Variants in PRR16 observed in about 807,000 individuals in gnomAD.
PRR16 encodes protein Largen.
PRR16 carries 6 observed loss-of-function variants against 18.2 expected under a neutral mutation model. The observed-to-expected ratio is 0.33, with a 90% confidence interval of 0.18 to 0.65. PRR16 has a LOEUF of 0.65. Among genes scored for constraint, PRR16 ranks in the 30% least tolerant of loss-of-function variants. The pLI is 0.74. For missense variants in PRR16, 412 were observed against 376.6 expected, an observed-to-expected ratio of 1.09 and a Z score of -0.78; for synonymous variants, 151 against 147.8, an observed-to-expected ratio of 1.02 and a Z score of -0.16.
intron 1 of PRR16, among the ~76,000 whole-genome samples, chr5:120,547,122 G>A (rs536050875): frequency 3.9e-5 from 6 of 152,070 alleles, no homozygotes; most frequent in African/African-American, 1.4e-4. Flanking sequence ...TTAATGAGCA[G>A]TTAGGGCAAC....
the PRR16 span, among the ~76,000 whole-genome samples, chr5:120,736,211 C>T: frequency 2.6e-5 from 4 of 152,150 alleles, no homozygotes; most frequent in Non-Finnish European, 5.9e-5. Flanking sequence ...AATGTTTTCT[C>T]GACTAAAATT....
intron 1 of PRR16, among the ~76,000 whole-genome samples, chr5:120,488,130 C>G (rs1162514306): frequency 1.3e-5 from 2 of 152,188 alleles, no homozygotes; most frequent in Admixed American, 6.5e-5. Flanking sequence ...ATGTCTCTGC[C>G]CGGCTTTGGT....
the PRR16 span, among the ~76,000 whole-genome samples, chr5:120,770,533 A>T: frequency 6.6e-6 from 1 of 152,070 alleles, no homozygotes; most frequent in East Asian, 1.9e-4. Flanking sequence ...TATTACTAAG[A>T]TACGAAAAGG....
intron 1 of PRR16, among the ~76,000 whole-genome samples, chr5:120,527,512 C>T (rs980422078): frequency 6.6e-6 from 1 of 152,180 alleles, no homozygotes; most frequent in African/African-American, 2.4e-5. Flanking sequence ...ATCAAATTAA[C>T]ACGCCAGCAA....
At chr5:120,609,651 A>G (rs767522912) in intron 1 of PRR16, among the ~76,000 whole-genome samples, 13 of 152,184 alleles carry the variant, frequency 8.5e-5, no homozygotes, top group Non-Finnish European at 1.8e-4. Flanking sequence ...CATTTTTAAA[A>G]CATGTTATTT....
At chr5:120,674,116 C>T (rs1430089696) in intron 1 of PRR16, among the ~76,000 whole-genome samples, 1 of 152,082 alleles carries the variant, frequency 6.6e-6, no homozygotes, top group Non-Finnish European at 1.5e-5. Context: ...CGCTACAGGG[C>T]CTCCTGAAAC....
At position 120,625,820 on chromosome 5, in the gene PRR16, G is replaced by A. The variant is rs539268967; in HGVS notation, c.160-60134G>A. 2.0e-4 allele frequency among the ~76,000 whole-genome samples: 30 copies of A among 152,144 alleles called. No individual in the cohort carries two copies. The South Asian group carries it at 3.7e-3, about 19-fold the overall frequency. ...ATGTATTTACGTGATGATCTGGTGCGTAGTTGTTATAATAGTTAACATCGA... is the reference window on the plus strand; with the variant it reads ...ATGTATTTACGTGATGATCTGGTGCATAGTTGTTATAATAGTTAACATCGA... On this transcript the variant is annotated intron_variant, in intron 1 of 1. Transcript: ENST00000407149.
chr5:120,730,463 G>C, the PRR16 span, among the ~76,000 whole-genome samples: 1 of 152,152 alleles, frequency 6.6e-6, no homozygotes, highest in South Asian at 2.1e-4. Context: ...TGAATACATA[G>C]ATTTGGGTGT....
At chr5:120,577,954 G>T (rs1703203607) in intron 1 of PRR16, among the ~76,000 whole-genome samples, 1 of 152,108 alleles carries the variant, frequency 6.6e-6, no homozygotes, top group Non-Finnish European at 1.5e-5. Context: ...GGAATCCAGA[G>T]ATCAGACTCA....
At chr5:120,507,066 A>G (rs138336602) in intron 1 of PRR16, among the ~76,000 whole-genome samples, 368 of 152,262 alleles carry the variant, frequency 2.4e-3, no homozygotes, top group African/African-American at 8.3e-3. Flanking sequence ...CTAAAGAAAT[A>G]CAATAGGAGA....
intron 1 of PRR16, among the ~76,000 whole-genome samples, chr5:120,537,233 C>T (rs1751747349): frequency 1.3e-5 from 2 of 152,246 alleles, no homozygotes; most frequent in Middle Eastern, 3.4e-3. Context: ...CCCAGAAGAA[C>T]ATTCATTTAT....
chr5:120,767,136 AAGAATT>A, the PRR16 span, among the ~76,000 whole-genome samples: 3 of 151,958 alleles, frequency 2.0e-5, no homozygotes, highest in Non-Finnish European at 4.4e-5. Context: ...TGAACACAGC[AAGAATT>A]AACAGCAAAT....
At chr5:120,775,501 A>G in the PRR16 span, among the ~76,000 whole-genome samples, 190 of 152,024 alleles carry the variant, frequency 1.2e-3, no homozygotes, top group Non-Finnish European at 1.1e-3. Context: ...ATTTTCTTTT[A>G]GTTGAAATAT....
At chr5:120,522,070 A>G (rs1751200556) in intron 1 of PRR16, among the ~76,000 whole-genome samples, 1 of 152,178 alleles carries the variant, frequency 6.6e-6, no homozygotes, top group Admixed American at 6.5e-5. Flanking sequence ...CCAGTCTATC[A>G]TTGTCATACA....
intron 1 of PRR16, among the ~76,000 whole-genome samples, chr5:120,595,434 C>CA (rs58436470): frequency 0.77 from 114,570 of 149,306 alleles, 44,077 homozygotes; most frequent in East Asian, 0.89. Flanking sequence ...ATCAAAAAGT[C>CA]AAAAAAAAAA....
chr5:120,655,162 A>T (rs1755924027), intron 1 of PRR16, among the ~76,000 whole-genome samples: 1 of 151,850 alleles, frequency 6.6e-6, no homozygotes, highest in Non-Finnish European at 1.5e-5. Flanking sequence ...CCCTCTGCTC[A>T]CTTATTTTTT....
intron 1 of PRR16, among the ~76,000 whole-genome samples, chr5:120,656,572 A>G (rs904856079): frequency 8.6e-5 from 13 of 151,900 alleles, no homozygotes; most frequent in African/African-American, 3.1e-4. Context: ...CAGTATAATT[A>G]GTTGTGACAA....
chr5:120,746,124 C>CT, the PRR16 span, among the ~76,000 whole-genome samples: 1,443 of 148,416 alleles, frequency 9.7e-3, 9 homozygotes, highest in Middle Eastern at 0.052. Context: ...TTTCTAAAAG[C>CT]TTTTTTTTTT....
the PRR16 span, among the ~76,000 whole-genome samples, chr5:120,754,586 TTA>T: frequency 5.3e-5 from 6 of 114,260 alleles, no homozygotes; most frequent in South Asian, 2.5e-4. Context: ...ATTTTATATA[TTA>T]TATATAATAT....
Sources: gnomAD v4.1 joint callset for allele counts (sites outside exome capture counted in the v4.1 genomes callset) on GRCh38, gnomAD v4.1.1 for gene constraint, MANE v1.5 for transcripts, NCBI Gene and HGNC (gene_info 2026-07-23, HGNC 2026-07-21) for gene names.